HPSE: variants seen among roughly 807,000 people sequenced by gnomAD.
The protein encoded by HPSE is heparanase, also known as endo-glucoronidase.
Under a neutral mutation model 65.1 loss-of-function variants are expected in HPSE, and 48 were observed. The observed-to-expected ratio is 0.74, with a 90% CI of 0.58 to 0.94. HPSE has a LOEUF of 0.94. HPSE is among the 40% of genes least tolerant of loss of function. The pLI, the probability that HPSE is intolerant of heterozygous loss-of-function variation, is 0.00. For missense variants in HPSE, 644 were observed against 637.5 expected (o/e 1.01, Z -0.11); for synonymous variants, 243 against 260.0 (o/e 0.93, Z 0.63).
At chr4:83,315,401 C>T (rs1260527820) in intron 3 of HPSE, among the ~76,000 whole-genome samples, 1 of 152,126 alleles carries the variant, frequency 6.6e-6, no homozygotes, top group Non-Finnish European at 1.5e-5. Context: ...GATCATCAGC[C>T]TATGCTTAAC....
chr4:83,320,085 C>G (rs1275334580), intron 2 of HPSE, among the ~76,000 whole-genome samples: 1 of 132,800 alleles, frequency 7.5e-6, no homozygotes, highest in African/African-American at 2.8e-5. Flanking sequence ...ATGAAGAAAA[C>G]ATAGTGCAGT....
chr4:83,297,026 A>G (rs1242796347), intron 11 of HPSE, among the ~76,000 whole-genome samples: 1 of 152,196 alleles, frequency 6.6e-6, no homozygotes, highest in Non-Finnish European at 1.5e-5. Flanking sequence ...TTGCCTAGCA[A>G]TGTCATAGTC....
At position 83,306,337 on chromosome 4, in the gene HPSE, A is replaced by G. The variant is rs747658868; in HGVS notation, c.1092-20T>C. Reference sequence around the variant, plus strand: ...AGCCACCTGGGACAGAGCAAGACCAAGCTTTCTTGAGGTTTGGAAACAAAA... The same window carrying G: ...AGCCACCTGGGACAGAGCAAGACCAGGCTTTCTTGAGGTTTGGAAACAAAA... On this transcript the variant is annotated intron_variant, in intron 8 of 11. Coordinates refer to ENST00000311412, the MANE Select transcript of HPSE (RefSeq NM_001098540.3). 7.2e-7 allele frequency: 1 copy of G among 1,385,356 alleles called. No individual in the cohort carries two copies. Among genetic ancestry groups the G allele is most frequent in the Non-Finnish European group, 1.0e-6 (1 of 975,590 alleles). 85.8% of individuals were successfully genotyped at this position (1,385,356 alleles called of 1,614,324 possible). A position where few individuals can be genotyped will look rare whatever the true frequency, so the allele number is the denominator to read the frequency against.
At chr4:83,303,110 G>A (rs1184172128) in intron 9 of HPSE, among the ~76,000 whole-genome samples, 1 of 151,122 alleles carries the variant, frequency 6.6e-6, no homozygotes, top group Middle Eastern at 3.2e-3. Context: ...GACATTCTGT[G>A]CTTCCAGAAG....
intron 1 of HPSE, among the ~76,000 whole-genome samples, chr4:83,333,151 G>A (rs558337846): frequency 2.6e-5 from 4 of 152,296 alleles, no homozygotes; most frequent in African/African-American, 4.8e-5. Flanking sequence ...ACAGAAAACC[G>A]GTGAATGGCT....
intron 9 of HPSE, among the ~76,000 whole-genome samples, chr4:83,304,717 C>T (rs1736088579): frequency 6.6e-6 from 1 of 152,046 alleles, no homozygotes; most frequent in Non-Finnish European, 1.5e-5. Flanking sequence ...CCCCAACTTT[C>T]CTTCTTGAAA....
intron 3 of HPSE, among the ~76,000 whole-genome samples, chr4:83,318,478 C>CA (rs566223572): frequency 1.6e-4 from 25 of 152,078 alleles, no homozygotes; most frequent in African/African-American, 5.8e-4. Flanking sequence ...CTAAAAAATA[C>CA]AAAAAATTAG....
chr4:83,299,375 A>G (rs1376033018), intron 11 of HPSE, among the ~76,000 whole-genome samples: 4 of 148,198 alleles, frequency 2.7e-5, no homozygotes, highest in East Asian at 1.9e-4. Flanking sequence ...AAAAAAAAAA[A>G]AAAAAAAAAA....
At chr4:83,308,350 G>T (rs1736227414) in intron 8 of HPSE, among the ~76,000 whole-genome samples, 1 of 152,162 alleles carries the variant, frequency 6.6e-6, no homozygotes, top group Non-Finnish European at 1.5e-5. Flanking sequence ...AGGTTGCAGT[G>T]AGGTGAGATC....
chr4:83,322,380 G>C lies in HPSE; in HGVS notation c.228-16C>G, dbSNP rs1736943195. On this transcript the variant is annotated splice_polypyrimidine_tract_variant and intron_variant, in intron 1 of 11. Coordinates refer to ENST00000311412, the MANE Select transcript of HPSE (RefSeq NM_001098540.3). ...CTTTGGAGAACTGTTAGGAAGACAAGCAAGAAAGTATAACTATTTTTTCCA... is the reference window on the plus strand; with the variant it reads ...CTTTGGAGAACTGTTAGGAAGACAACCAAGAAAGTATAACTATTTTTTCCA... 1.3e-6 allele frequency: 2 copies of C among 1,591,978 alleles called. No individual in the cohort carries two copies. Among genetic ancestry groups the C allele is most frequent in the African/African-American group, 2.7e-5 (2 of 73,698 alleles).
At position 83,292,518 on chromosome 4, in the gene HPSE, T is replaced by C. The variant is rs1735586117; in HGVS notation, c.*2826A>G. 6.6e-6 allele frequency: 1 copy of C among 152,218 alleles called. No individual in the cohort carries two copies. The highest frequency in any genetic ancestry group is 1.5e-5 in the Non-Finnish European group (1 of 68,038). The allele number at this position is 152,218 out of a possible 1,614,324, so 9.4% of individuals were successfully genotyped here. The stretch of plus-strand genomic sequence containing the variant: ...TGAAAATATAAAAACCACTTACATA[T>C]AAAATTTAAGAGTATTGAAAGATCT... On this transcript the variant is annotated 3_prime_UTR_variant, in exon 12 of 12. Coordinates refer to ENST00000311412, the MANE Select transcript of HPSE (RefSeq NM_001098540.3).
intron 9 of HPSE, among the ~76,000 whole-genome samples, chr4:83,303,434 A>G (rs1230227644): frequency 9.5e-5 from 2 of 20,982 alleles, no homozygotes; most frequent in Non-Finnish European, 9.7e-4. Flanking sequence ...ACTATCAACA[A>G]TATTTTAGAC....
At chr4:83,324,283 G>A (rs1737053140) in intron 1 of HPSE, among the ~76,000 whole-genome samples, 1 of 151,484 alleles carries the variant, frequency 6.6e-6, no homozygotes, top group South Asian at 2.1e-4. Context: ...CACCACACCT[G>A]GCCAAATTGC....
chr4:83,323,504 A>AAC (rs60575393), intron 1 of HPSE, among the ~76,000 whole-genome samples: 7,968 of 150,014 alleles, frequency 0.053, 332 homozygotes, highest in African/African-American at 0.12. Context: ...GTCTATTTAA[A>AAC]ACACACACAC....
chr4:83,328,527 G>A (rs1326134685), intron 1 of HPSE, among the ~76,000 whole-genome samples: 2 of 152,118 alleles, frequency 1.3e-5, no homozygotes, highest in African/African-American at 2.4e-5. Context: ...TATGGATTTC[G>A]GGGTAACCTC....
At chr4:83,308,816 AC>A in intron 8 of HPSE, 28 bp downstream of exon 8, 1 of 1,521,096 alleles carries the variant, frequency 6.6e-7, no homozygotes. Context: ...CTGCACTCTG[AC>A]CCCTAAGGCC....
intron 3 of HPSE, among the ~76,000 whole-genome samples, chr4:83,314,139 G>T (rs1484572941): frequency 3.3e-5 from 5 of 151,660 alleles, no homozygotes; most frequent in Non-Finnish European, 7.4e-5. Context: ...TGTAGTCCCA[G>T]CTAGCTACTT....
In HPSE at chr4:83,334,747, C is replaced by G; in HGVS notation, c.36G>C (p.Pro12=). The change falls in exon 1 of 12, where the codon CCG becomes CCC. Residue 12 remains proline, a synonymous_variant. Transcript: ENST00000311412. ...LLRSKPALPP[P]LMLLLLGPLG... The stretch of plus-strand genomic sequence containing the variant: ...GCGGCCCCAGGAGCAGCAGCATCAG[C>G]GGCGGCGGCAGCGCAGGCTTCGAGC... 6.4e-7 allele frequency: 1 copy of G among 1,554,558 alleles called. No homozygotes were observed. Among genetic ancestry groups the G allele is most frequent in the Non-Finnish European group, 8.7e-7 (1 of 1,149,092 alleles).
intron 11 of HPSE, among the ~76,000 whole-genome samples, chr4:83,299,196 T>G (rs1242264645): frequency 6.6e-6 from 1 of 151,498 alleles, no homozygotes; most frequent in Non-Finnish European, 1.5e-5. Flanking sequence ...AAACCTCATC[T>G]CTACTAAAAA....
Sources: allele counts gnomAD v4.1 joint callset (sites outside exome capture counted in the v4.1 genomes callset), GRCh38; gene constraint gnomAD v4.1.1; transcripts MANE v1.5; gene names NCBI Gene and HGNC (gene_info 2026-07-23, HGNC 2026-07-21).